FGD4: variants seen among roughly 807,000 people sequenced by gnomAD.
FGD4 encodes FYVE, RhoGEF and PH domain containing 4, also known as FYVE, RhoGEF and PH domain-containing protein 4.
A neutral mutation model predicts 102.0 loss-of-function variants in FGD4; 42 were observed. The observed-to-expected ratio is 0.41, with a 90% CI of 0.32 to 0.53. The LOEUF (loss-of-function observed/expected upper bound fraction) is 0.53. FGD4 is among the 20% of genes least tolerant of loss of function. The pLI is 0.21. For synonymous variants in FGD4, 380 were observed against 375.7 expected, an observed-to-expected ratio of 1.01 and a Z score of -0.13; for missense variants, 902 against 1,078.2, an observed-to-expected ratio of 0.84 and a Z score of 2.29.
Position 32,640,751 on chromosome 12 carries a change from A to AT in FGD4, c.*224dup, listed in dbSNP as rs1363078691. 7 of 669,804 alleles carry AT rather than the reference A, an allele frequency of 1.0e-5. No individual in the cohort carries two copies. Among genetic ancestry groups the AT allele is most frequent in the Admixed American group, 2.9e-5 (1 of 34,544 alleles). 41.5% of individuals were successfully genotyped at this position (669,804 alleles called of 1,614,324 possible). A position where few individuals can be genotyped will look rare whatever the true frequency, so the allele number is the denominator to read the frequency against. Reference sequence around the variant, plus strand: ...TTTGAAATAATGTGAAAACTGGAGCATTTTTTGAGCTATTCCTTGAATATG... The same window carrying AT: ...TTTGAAATAATGTGAAAACTGGAGCATTTTTTTGAGCTATTCCTTGAATATG... On this transcript the variant is annotated 3_prime_UTR_variant, in exon 17 of 17. Transcript: ENST00000534526.
intron 12 of FGD4, 163 bp from the exon 13 acceptor site, chr12:32,624,813 C>A: frequency 1.5e-6 from 1 of 684,960 alleles, no homozygotes; most frequent in Non-Finnish European, 2.6e-6. Context: ...TCTGTGTATA[C>A]AAATGTGCAT....
At chr12:32,421,674 G>A (rs2733682) in intron 1 of FGD4, among the ~76,000 whole-genome samples, 59,992 of 151,954 alleles carry the variant, frequency 0.39, 12,416 homozygotes, top group African/African-American at 0.5. Flanking sequence ...CAAGACTCCT[G>A]ATAAAAGGAC....
intron 1 of FGD4, among the ~76,000 whole-genome samples, chr12:32,414,918 A>G (rs1235946316): frequency 2.0e-5 from 3 of 152,136 alleles, no homozygotes; most frequent in African/African-American, 7.2e-5. Flanking sequence ...GTAGGCCCTC[A>G]TAGGTGTAAA....
chr12:32,443,408 T>C (rs940830805), intron 1 of FGD4, among the ~76,000 whole-genome samples: 1 of 151,832 alleles, frequency 6.6e-6, no homozygotes, highest in Non-Finnish European at 1.5e-5. Context: ...TAGAGTGCAG[T>C]GGTGCAATCA....
chr12:32,464,013 C>G (rs1370352714), intron 1 of FGD4, among the ~76,000 whole-genome samples: 1 of 152,156 alleles, frequency 6.6e-6, no homozygotes, highest in Non-Finnish European at 1.5e-5. Context: ...ACTAAGTAGA[C>G]AACTCAGTAG....
At chr12:32,431,296 C>T (rs1027119358) in intron 1 of FGD4, among the ~76,000 whole-genome samples, 5 of 152,098 alleles carry the variant, frequency 3.3e-5, no homozygotes, top group African/African-American at 9.7e-5. Flanking sequence ...GCGGCAATTG[C>T]GTGTATCACT....
intron 4 of FGD4, among the ~76,000 whole-genome samples, chr12:32,594,864 T>C (rs1947755450): frequency 6.6e-6 from 1 of 152,056 alleles, no homozygotes; most frequent in South Asian, 2.1e-4. Context: ...ACCCCGTCTC[T>C]ACTAAAACTA....
chr12:32,437,350 AAAAG>A (rs1341610695), intron 1 of FGD4, among the ~76,000 whole-genome samples: 1 of 152,186 alleles, frequency 6.6e-6, no homozygotes, highest in Non-Finnish European at 1.5e-5. Flanking sequence ...GGACACCCAT[AAAAG>A]AAAGAAAAGC....
chr12:32,453,519 C>T (rs1241850644), intron 1 of FGD4, among the ~76,000 whole-genome samples: 1 of 151,878 alleles, frequency 6.6e-6, no homozygotes, highest in East Asian at 1.9e-4. Context: ...CAGGTGTGAG[C>T]CACTGCACCC....
At chr12:32,594,974 T>C (rs1252549561) in intron 4 of FGD4, among the ~76,000 whole-genome samples, 1 of 148,718 alleles carries the variant, frequency 6.7e-6, no homozygotes, top group Non-Finnish European at 1.5e-5. Context: ...GAGGTTGCAG[T>C]GAGCCAAGAT....
chr12:32,513,817 A>G (rs1434830084), intron 1 of FGD4, among the ~76,000 whole-genome samples: 4 of 152,184 alleles, frequency 2.6e-5, no homozygotes, highest in African/African-American at 9.6e-5. Context: ...CTTGGATCCT[A>G]TGTTTGCCTC....
At chr12:32,563,893 C>A (rs927983600) in intron 1 of FGD4, among the ~76,000 whole-genome samples, 1 of 152,142 alleles carries the variant, frequency 6.6e-6, no homozygotes, top group South Asian at 2.1e-4. Flanking sequence ...CGCAGGCACT[C>A]GGCAGGCTGA....
intron 14 of FGD4, among the ~76,000 whole-genome samples, chr12:32,629,471 A>G (rs971640386): frequency 2.0e-5 from 3 of 152,126 alleles, no homozygotes; most frequent in Non-Finnish European, 2.9e-5. Context: ...GGAAGGTTCT[A>G]TTTTCTCCAT....
At chr12:32,620,512 T>TTTTA (rs1949744373) in intron 11 of FGD4, among the ~76,000 whole-genome samples, 1 of 129,398 alleles carries the variant, frequency 7.7e-6, no homozygotes, top group African/African-American at 3.1e-5. Flanking sequence ...TAACCATTTT[T>TTTTA]TTTCTTTCTT....
At chr12:32,439,185 C>A (rs1476367718) in intron 1 of FGD4, among the ~76,000 whole-genome samples, 1 of 152,222 alleles carries the variant, frequency 6.6e-6, no homozygotes, top group Non-Finnish European at 1.5e-5. Context: ...ATGAGTTTAA[C>A]TTTTACAGAT....
chr12:32,602,373 A>G (rs1948483028), intron 7 of FGD4, 56 bp downstream of exon 7: 1 of 1,598,908 alleles, frequency 6.3e-7, no homozygotes, highest in South Asian at 1.1e-5. Context: ...CAAATTATAC[A>G]GTCTTCTATA....
At chr12:32,480,493 T>C (rs1943713907) in intron 1 of FGD4, among the ~76,000 whole-genome samples, 1 of 151,244 alleles carries the variant, frequency 6.6e-6, no homozygotes, top group African/African-American at 2.4e-5. Context: ...TTTCTTTTCT[T>C]TCTTTCTTTG....
intron 4 of FGD4, among the ~76,000 whole-genome samples, chr12:32,594,146 T>G (rs1162596853): frequency 1.3e-5 from 2 of 152,178 alleles, no homozygotes; most frequent in African/African-American, 4.8e-5. Context: ...GTCTGTGGCC[T>G]GTTAGGGATG....
intron 1 of FGD4, among the ~76,000 whole-genome samples, chr12:32,562,451 T>C (rs961321565): frequency 7.9e-5 from 12 of 152,200 alleles, no homozygotes; most frequent in Non-Finnish European, 1.5e-4. Context: ...TCTTGGGTGT[T>C]TCTCGCAGAG....
Sources: allele counts gnomAD v4.1 joint callset (sites outside exome capture counted in the v4.1 genomes callset), GRCh38; gene constraint gnomAD v4.1.1; transcripts MANE v1.5; gene names NCBI Gene and HGNC (gene_info 2026-07-23, HGNC 2026-07-21).